Variants in SCARB1 observed in about 807,000 individuals in gnomAD.
The protein encoded by SCARB1 is CD36 and LIMPII analogous 1.
SCARB1 carries 30 observed loss-of-function variants against 57.2 expected under a neutral mutation model. The ratio of observed to expected loss-of-function variants is 0.52; its 90% confidence interval spans 0.39 to 0.71. The LOEUF is 0.71. Among genes scored for constraint, SCARB1 ranks in the 30% least tolerant of loss-of-function variants. SCARB1 has a pLI of 0.00. For missense variants in SCARB1, 543 were observed against 671.2 expected (o/e 0.81, Z 2.11); for synonymous variants, 249 against 268.3 (o/e 0.93, Z 0.70).
intron 1 of SCARB1, among the ~76,000 whole-genome samples, chr12:124,831,595 C>T (rs191060816): frequency 1.3e-5 from 2 of 152,158 alleles, no homozygotes; most frequent in Admixed American, 6.6e-5. Flanking sequence ...CACCAGGGGC[C>T]CTGGAGAGAC....
rs74385725 is a variant in SCARB1, at chr12:124,807,132, C to T, written c.1009+629G>A. Among the ~76,000 whole-genome samples, 1,472 of 152,080 alleles carry T rather than the reference C, an allele frequency of 9.7e-3. 19 individuals carry two copies. Among genetic ancestry groups the T allele is most frequent in the South Asian group, 0.049 (238 of 4,810 alleles). Reference sequence around the variant, plus strand: ...GGGAGGATCACTTGAACCTGGGAGGCGGAGGTTGCAGTGAGCTGAAATGGC... The same window carrying T: ...GGGAGGATCACTTGAACCTGGGAGGTGGAGGTTGCAGTGAGCTGAAATGGC... On this transcript the variant is annotated intron_variant, in intron 7 of 12. Transcript: ENST00000261693. This position sits in a 1 kb window ranked among gnomAD's most constrained non-coding sequence, Gnocchi z 5.3.
chr12:124,821,853 T>A (rs1950967864), intron 1 of SCARB1, among the ~76,000 whole-genome samples: 1 of 152,142 alleles, frequency 6.6e-6, no homozygotes, highest in Admixed American at 6.5e-5. Flanking sequence ...GCAGGATGAC[T>A]TTTTTCCACC....
At chr12:124,835,602 C>T (rs1951617068) in intron 1 of SCARB1, among the ~76,000 whole-genome samples, 1 of 151,874 alleles carries the variant, frequency 6.6e-6, no homozygotes, top group Non-Finnish European at 1.5e-5. Flanking sequence ...TTTTAATTCA[C>T]TCAAAATTTC....
intron 1 of SCARB1, among the ~76,000 whole-genome samples, chr12:124,851,430 G>A (rs1296701548): frequency 6.7e-6 from 1 of 148,806 alleles, no homozygotes; most frequent in Non-Finnish European, 1.5e-5. Context: ...GGTCACTGCT[G>A]TTTTCCTTTT....
At chr12:124,855,672 C>T (rs762634044) in intron 1 of SCARB1, among the ~76,000 whole-genome samples, 4 of 152,174 alleles carry the variant, frequency 2.6e-5, no homozygotes, top group East Asian at 1.9e-4. Context: ...GAGCTGCCAG[C>T]GCCTCCTGGA....
At chr12:124,778,676 C>T in intron 12 of SCARB1, 90 bp from the exon 13 acceptor site, 1 of 1,236,778 alleles carries the variant, frequency 8.1e-7, no homozygotes, top group Non-Finnish European at 1.0e-6. Context: ...GTACCCACAT[C>T]CCCAGCAGAG....
intron 1 of SCARB1, among the ~76,000 whole-genome samples, chr12:124,818,100 C>T (rs1302314716): frequency 1.3e-5 from 2 of 152,136 alleles, no homozygotes; most frequent in African/African-American, 4.8e-5. Context: ...TTCATTCATT[C>T]CACAAGCAAG....
chr12:124,776,897 AGT>A lies in SCARB1; in HGVS notation c.*1688_*1689del, dbSNP rs1246051965. The A allele has an allele frequency of 1.3e-5, 2 of 152,306 alleles. No individual in the cohort carries two copies. The highest frequency in any genetic ancestry group is 4.1e-4 in the South Asian group (2 of 4,828). 9.4% of individuals were successfully genotyped at this position (152,306 alleles called of 1,614,324 possible). A position where few individuals can be genotyped will look rare whatever the true frequency, so the allele number is the denominator to read the frequency against. On this transcript the variant is annotated 3_prime_UTR_variant, in exon 13 of 13. Transcript: ENST00000261693. ...TATTTATGTTGCAGGCAAGTATAGG[AGT>A]GATTAATAAAAGGCTTAAAAGCATC...
At chr12:124,844,685 C>T (rs1952067781) in intron 1 of SCARB1, among the ~76,000 whole-genome samples, 1 of 152,116 alleles carries the variant, frequency 6.6e-6, no homozygotes, top group African/African-American at 2.4e-5. Context: ...TCTATGAGGC[C>T]GGGAGAGGGG....
intron 1 of SCARB1, among the ~76,000 whole-genome samples, chr12:124,823,144 G>A (rs1951008050): frequency 6.6e-6 from 1 of 152,130 alleles, no homozygotes; most frequent in Admixed American, 6.6e-5. Flanking sequence ...GGGGATAAGC[G>A]GGTGAAAATT....
In SCARB1 at chr12:124,814,033, T is replaced by G. The variant is rs1950608121; in HGVS notation, c.630+169A>C. On this transcript the variant is annotated intron_variant, in intron 4 of 12. Coordinates refer to ENST00000261693, the MANE Select transcript of SCARB1 (RefSeq NM_005505.5). This position sits in a 1 kb window ranked among gnomAD's most constrained non-coding sequence, Gnocchi z 4.7. ...ATTTTCAGTTCTATGAGCCCCAACA[T>G]TCCCCATTTCACTCAAGCCGGTTTG... is the stretch of plus-strand genomic sequence containing the variant. Among the ~76,000 whole-genome samples the G allele has an allele frequency of 6.6e-6, 1 of 152,130 alleles. No homozygotes were observed. Among genetic ancestry groups the G allele is most frequent in the Non-Finnish European group, 1.5e-5 (1 of 68,032 alleles).
intron 1 of SCARB1, among the ~76,000 whole-genome samples, chr12:124,818,770 C>T (rs1311557835): frequency 1.3e-5 from 2 of 151,426 alleles, no homozygotes; most frequent in Admixed American, 6.6e-5. Context: ...CTCAGCCTCC[C>T]GAGTAGCTGG....
chr12:124,808,849 A>C (rs76914850), intron 6 of SCARB1, among the ~76,000 whole-genome samples: 23 of 151,700 alleles, frequency 1.5e-4, no homozygotes, highest in Non-Finnish European at 2.5e-4. Context: ...CAAAAAAAAA[A>C]CCTCATCAAT....
rs186123795 is a variant in SCARB1, at chr12:124,836,125, G to C, written c.127-18418C>G. On this transcript the variant is annotated intron_variant, in intron 1 of 12. Coordinates refer to ENST00000261693, the MANE Select transcript of SCARB1 (RefSeq NM_005505.5). ...TACAGGGGTAAAGTTAATCCAACAGGATTCCTGCCCTCGTGGACTGAGCAG... is the reference window on the plus strand; with the variant it reads ...TACAGGGGTAAAGTTAATCCAACAGCATTCCTGCCCTCGTGGACTGAGCAG... Among the ~76,000 whole-genome samples the C allele has an allele frequency of 2.8e-4, 42 of 152,350 alleles. No individual in the cohort carries two copies. The East Asian group carries it at 6.7e-3, about 24-fold the overall frequency.
chr12:124,780,088 G>A (rs2135515594), intron 12 of SCARB1, among the ~76,000 whole-genome samples: 1 of 152,318 alleles, frequency 6.6e-6, no homozygotes, highest in East Asian at 1.9e-4. Context: ...GGTGCCAGAG[G>A]GTGAAGCAGG....
chr12:124,806,279 C>T (rs570923400), intron 7 of SCARB1, among the ~76,000 whole-genome samples: 68 of 152,164 alleles, frequency 4.5e-4, no homozygotes, highest in Non-Finnish European at 5.9e-4. Flanking sequence ...GGCTTGTTGA[C>T]GCACTGGAAG....
chr12:124,832,517 C>A (rs10744180), intron 1 of SCARB1, among the ~76,000 whole-genome samples: 24 of 121,744 alleles, frequency 2.0e-4, no homozygotes, highest in East Asian at 3.1e-4. Flanking sequence ...GAGACTTGGT[C>A]TCAAAAAAAA....
intron 6 of SCARB1, among the ~76,000 whole-genome samples, chr12:124,809,214 G>A (rs578145466): frequency 2.6e-5 from 4 of 152,124 alleles, no homozygotes; most frequent in South Asian, 4.2e-4. Context: ...GGCTTAACAC[G>A]GCTAGTGAAC....
rs1950807570 is a variant in SCARB1 at position 124,817,953 on chromosome 12, G to A, written c.127-246C>T. Among the ~76,000 whole-genome samples, 1 of 152,232 alleles carries A rather than the reference G, an allele frequency of 6.6e-6. No homozygotes were observed. On this transcript the variant is annotated intron_variant, in intron 1 of 12. Transcript: ENST00000261693. The surrounding 1 kb of genome is among the most constrained non-coding windows in gnomAD (Gnocchi z 4.8). ...AAAATATGTCCTAACAGCAACAGGTGACACCAGTCAAGGGACTGTGGTAAA... is the reference window on the plus strand; with the variant it reads ...AAAATATGTCCTAACAGCAACAGGTAACACCAGTCAAGGGACTGTGGTAAA...
Sources: allele counts gnomAD v4.1 joint callset (sites outside exome capture counted in the v4.1 genomes callset), GRCh38; gene constraint gnomAD v4.1.1; non-coding constraint Gnocchi (gnomAD v3.1); transcripts MANE v1.5; gene names NCBI Gene and HGNC (gene_info 2026-07-23, HGNC 2026-07-21).